Variants in DLC1 observed in about 807,000 individuals in gnomAD.
DLC1 encodes the protein DLC1 Rho GTPase activating protein.
A neutral mutation model predicts 140.3 loss-of-function variants in DLC1; 54 were observed. That is an observed-to-expected ratio of 0.38 (90% CI 0.31 to 0.48). The LOEUF is 0.48. Among genes scored for constraint, DLC1 ranks in the 20% least tolerant of loss-of-function variants. The probability of loss-of-function intolerance (pLI) is 0.96; values close to 1 mark genes in which losing one functional copy is unlikely to be tolerated. For synonymous variants in DLC1, 986 were observed against 728.1 expected, an observed-to-expected ratio of 1.35 and a Z score of -5.70; for missense variants, 2,536 against 1,907.0, an observed-to-expected ratio of 1.33 and a Z score of -6.14.
intron 5 of DLC1, among the ~76,000 whole-genome samples, chr8:13,162,627 G>A (rs1357803880): frequency 6.6e-6 from 1 of 152,170 alleles, no homozygotes; most frequent in African/African-American, 2.4e-5. Flanking sequence ...CCAGCCAGTA[G>A]GCTACAGTTT....
intron 2 of DLC1, among the ~76,000 whole-genome samples, chr8:13,421,085 C>G (rs975239190): frequency 3.3e-5 from 5 of 152,104 alleles, no homozygotes; most frequent in Admixed American, 2.6e-4. Context: ...GCTGTAATTC[C>G]TCGTTAATCT....
chr8:13,099,455 G>C lies in DLC1; in HGVS notation c.2882C>G (p.Pro961Arg). The change falls in exon 9 of 18, where the codon CCC (proline) becomes CGC (arginine). Residue 961 changes from proline to arginine, a missense_variant. Physicochemically the swap from Pro to Arg is moderately radical, Grantham distance 103 (BLOSUM62 -2). Coordinates refer to ENST00000276297, the MANE Select transcript of DLC1 (RefSeq NM_182643.3). ...GTTGCCTGTGCTGTCCAGGTCGCTG[G>C]GTGTGGTTCGGTCGTTGTCCACATC... ...HLDVDNDRTT[P>R]SDLDSTGNSL... 4 of 1,614,056 alleles carry C rather than the reference G, an allele frequency of 2.5e-6. No homozygotes were observed. The highest frequency in any genetic ancestry group is 2.5e-6 in the Non-Finnish European group (3 of 1,180,004).
intron 4 of DLC1, among the ~76,000 whole-genome samples, chr8:13,367,550 CAAAAT>C (rs906356156): frequency 6.6e-6 from 1 of 152,142 alleles, no homozygotes; most frequent in Non-Finnish European, 1.5e-5. Context: ...AACAACAAAA[CAAAAT>C]AAGACAAAGA....
chr8:13,503,517 T>C (rs1801916043), intron 1 of DLC1, among the ~76,000 whole-genome samples: 1 of 152,252 alleles, frequency 6.6e-6, no homozygotes, highest in Admixed American at 6.5e-5. Context: ...TGCACTTGTC[T>C]CTGAAATAGA....
intron 4 of DLC1, among the ~76,000 whole-genome samples, chr8:13,320,841 A>T (rs1833072979): frequency 6.6e-6 from 1 of 152,182 alleles, no homozygotes; most frequent in South Asian, 2.1e-4. Context: ...AGAGACAGAC[A>T]CCATCTCTAC....
intron 5 of DLC1, among the ~76,000 whole-genome samples, chr8:13,142,487 G>A (rs959336080): frequency 2.6e-5 from 4 of 152,122 alleles, no homozygotes; most frequent in Non-Finnish European, 4.4e-5. Flanking sequence ...GAGTTCTCCA[G>A]ATATCTGAAT....
rs189309443 is a variant in DLC1, at chr8:13,313,078, C to G, written c.1315-7776G>C. Among the ~76,000 whole-genome samples the G allele has an allele frequency of 8.5e-5, 13 of 152,294 alleles. 1 individual carries two copies. Among genetic ancestry groups the G allele is most frequent in the Admixed American group, 5.9e-4 (9 of 15,298 alleles). On this transcript the variant is annotated intron_variant, in intron 4 of 17. Transcript: ENST00000276297. ...TGCTGGTGTGAAATGCTCCTTCTCA[C>G]AGGATTTCCTGGGCATTACTAAGGC...
intron 1 of DLC1, among the ~76,000 whole-genome samples, chr8:13,506,554 C>CACAG (rs1371401639): frequency 2.3e-5 from 2 of 87,362 alleles, no homozygotes; most frequent in African/African-American, 9.1e-5. Flanking sequence ...GACACACACA[C>CACAG]ACACACACAC....
chr8:13,521,284 T>C (rs1563417877), intron 1 of DLC1, among the ~76,000 whole-genome samples: 1 of 151,838 alleles, frequency 6.6e-6, no homozygotes, highest in African/African-American at 2.4e-5. Context: ...TCAGGGTAAA[T>C]AGCTAATGCA....
intron 4 of DLC1, among the ~76,000 whole-genome samples, chr8:13,308,956 A>C (rs1832563445): frequency 6.6e-6 from 1 of 152,200 alleles, no homozygotes; most frequent in Non-Finnish European, 1.5e-5. Flanking sequence ...ATTTCACACA[A>C]GCTGACTGTA....
intron 1 of DLC1, among the ~76,000 whole-genome samples, chr8:13,565,485 C>T (rs1217309908): frequency 6.6e-6 from 1 of 152,144 alleles, no homozygotes; most frequent in African/African-American, 2.4e-5. Context: ...TTACATGCCA[C>T]CTCTTTTTTA....
At chr8:13,535,310 T>G (rs1803240982) in intron 1 of DLC1, among the ~76,000 whole-genome samples, 1 of 152,032 alleles carries the variant, frequency 6.6e-6, no homozygotes, top group Non-Finnish European at 1.5e-5. Context: ...AAAGCAACAT[T>G]TGAATGTAAG....
chr8:13,559,132 C>T (rs1804155943), intron 1 of DLC1: 1 of 152,206 alleles, frequency 6.6e-6, no homozygotes, highest in East Asian at 1.9e-4. Context: ...AATATACGGG[C>T]TTCAAGTAAG....
intron 2 of DLC1, among the ~76,000 whole-genome samples, chr8:13,432,435 T>C (rs1279576107): frequency 6.6e-6 from 1 of 152,242 alleles, no homozygotes; most frequent in African/African-American, 2.4e-5. Context: ...CTCATGCTAA[T>C]GGAGACATTC....
In DLC1 at chr8:13,428,884, G is replaced by A. The variant is rs382748; in HGVS notation, c.1024-27265C>T. Among the ~76,000 whole-genome samples the A allele has an allele frequency of 1.9e-3, 286 of 152,288 alleles. 1 individual carries two copies. Among genetic ancestry groups the A allele is most frequent in the African/African-American group, 6.4e-3 (266 of 41,558 alleles). On this transcript the variant is annotated intron_variant, in intron 2 of 17. Transcript: ENST00000276297. ...TTTATACAGTAACCCAATTATAGAA[G>A]AGACCTAAGTAGACTCTGATCAGGC...
chr8:13,566,980 T>G, intron 1 of DLC1: 1 of 1,535,720 alleles, frequency 6.5e-7, no homozygotes, highest in South Asian at 1.2e-5. Context: ...GAGCCGAGCC[T>G]GATGCATTGT....
At chr8:13,449,204 AT>A (rs1798932265) in intron 2 of DLC1, among the ~76,000 whole-genome samples, 1 of 152,212 alleles carries the variant, frequency 6.6e-6, no homozygotes, top group Non-Finnish European at 1.5e-5. Context: ...AAAGCTAAAT[AT>A]ATTGTTGGAC....
chr8:13,517,593 T>C (rs139261952), upstream of DLC1, among the ~76,000 whole-genome samples: 76 of 152,338 alleles, frequency 5.0e-4, no homozygotes, highest in Non-Finnish European at 8.1e-4. Context: ...ACTTCCTAAG[T>C]ACTTAGTATT....
At chr8:13,162,838 G>A (rs1301602978) in intron 5 of DLC1, among the ~76,000 whole-genome samples, 3 of 152,176 alleles carry the variant, frequency 2.0e-5, no homozygotes, top group Admixed American at 6.5e-5. Flanking sequence ...CCTAGCAGAG[G>A]CAGAAGGATC....
Sources: allele counts gnomAD v4.1 joint callset (sites outside exome capture counted in the v4.1 genomes callset), GRCh38; gene constraint gnomAD v4.1.1; transcripts MANE v1.5; gene names NCBI Gene and HGNC (gene_info 2026-07-23, HGNC 2026-07-21).